Variants in PCDHA11 observed in about 807,000 individuals in gnomAD.
PCDHA11 encodes protocadherin alpha 11.
PCDHA11 carries 61 observed loss-of-function variants against 70.3 expected under a neutral mutation model. That is an observed-to-expected ratio of 0.87 (90% confidence interval 0.71 to 1.07). The LOEUF (loss-of-function observed/expected upper bound fraction) is 1.07. Ranked by LOEUF, PCDHA11 falls within the 50% of genes least tolerant of loss-of-function variation. The pLI, the probability that PCDHA11 is intolerant of heterozygous loss-of-function variation, is 0.00. For missense variants in PCDHA11, 1,324 were observed against 1,237.5 expected, an observed-to-expected ratio of 1.07 and a Z score of -1.05; for synonymous variants, 633 against 555.1, an observed-to-expected ratio of 1.14 and a Z score of -1.97.
intron 1 of PCDHA11, among the ~76,000 whole-genome samples, chr5:140,950,257 G>A (rs1255968081): frequency 6.6e-6 from 1 of 151,952 alleles, no homozygotes; most frequent in Non-Finnish European, 1.5e-5. Context: ...AAAGAGCTGA[G>A]TTTATCCATA....
Position 140,871,415 on chromosome 5 carries a change from T to C in PCDHA11, c.2312T>C (p.Phe771Ser). The C allele has an allele frequency of 6.2e-7, 1 of 1,613,926 alleles. No individual in the cohort carries two copies. Among genetic ancestry groups the C allele is most frequent in the Non-Finnish European group, 8.5e-7 (1 of 1,179,900 alleles). ...EGPPKTDLMAFSPSLPLGLNK... is the reference protein window; with the variant it reads ...EGPPKTDLMASSPSLPLGLNK... ...CCACCTAAGACGGACCTCATGGCCT[T>C]CAGCCCCAGTCTTCCTCTAGGTCTG... Residue 771 changes from phenylalanine (F) to serine (S), a missense_variant, in exon 1 of 4, where the codon TTC becomes TCC. Transcript: ENST00000398640.
chr5:140,929,931 A>G (rs2086483535), intron 1 of PCDHA11: 1 of 152,250 alleles, frequency 6.6e-6, no homozygotes, highest in Non-Finnish European at 1.5e-5. Flanking sequence ...AAAACAGTGT[A>G]TTCTCTAGCC....
chr5:140,876,651 T>TC, intron 1 of PCDHA11: 1 of 1,614,178 alleles, frequency 6.2e-7, no homozygotes, highest in South Asian at 1.1e-5. Context: ...CACCTCATGT[T>TC]CCCTTCAAGC....
chr5:140,968,081 G>A, intron 1 of PCDHA11: 2 of 1,614,120 alleles, frequency 1.2e-6, no homozygotes, highest in Non-Finnish European at 1.7e-6. Context: ...CAACATCACG[G>A]TGACAGCCAC....
At chr5:140,928,304 AC>A (rs782506310) in intron 1 of PCDHA11, 98 of 1,613,908 alleles carry the variant, frequency 6.1e-5, no homozygotes, top group Non-Finnish European at 7.9e-5. Flanking sequence ...TTTGCCCAGG[AC>A]CCCGACCTGG....
chr5:140,942,769 T>A (rs1554215212), intron 1 of PCDHA11, among the ~76,000 whole-genome samples: 1 of 152,202 alleles, frequency 6.6e-6, no homozygotes, highest in Non-Finnish European at 1.5e-5. Flanking sequence ...GCATAATGTA[T>A]TTTTAGGCAG....
chr5:141,002,612 CA>C, intron 3 of PCDHA11, among the ~76,000 whole-genome samples: 1 of 152,178 alleles, frequency 6.6e-6, no homozygotes, highest in Non-Finnish European at 1.5e-5. Flanking sequence ...AAAACAGACA[CA>C]TAACACAGAC....
Position 140,963,857 on chromosome 5 carries a change from G to A in PCDHA11, c.2392-15092G>A, listed in dbSNP as rs181224305. The stretch of plus-strand genomic sequence containing the variant: ...TTCTCATGTAATCATAATAATAACC[G>A]TATGAGTTTTGCTTACTATTGTTTT... On this transcript the variant is annotated intron_variant, in intron 1 of 3. Transcript: ENST00000398640. Among the ~76,000 whole-genome samples the A allele has an allele frequency of 5.3e-5, 8 of 152,252 alleles. 1 individual carries two copies. The East Asian group carries it at 7.7e-4, about 15-fold the overall frequency.
At chr5:140,942,907 C>T (rs990206907) in intron 1 of PCDHA11, among the ~76,000 whole-genome samples, 14 of 151,044 alleles carry the variant, frequency 9.3e-5, no homozygotes, top group Non-Finnish European at 1.6e-4. Flanking sequence ...TAAGAATAAG[C>T]GTGAAGAAAA....
At position 140,870,673 on chromosome 5, in the gene PCDHA11, C is replaced by T. The variant is rs1554164562; in HGVS notation, c.1570C>T (p.His524Tyr). The T allele has an allele frequency of 1.9e-6, 3 of 1,612,666 alleles. No homozygotes were observed. Among genetic ancestry groups the T allele is most frequent in the Non-Finnish European group, 1.7e-6 (2 of 1,179,796 alleles). The change falls in exon 1 of 4, where the codon CAC (histidine) becomes TAC (tyrosine). Residue 524 changes from histidine to tyrosine, a missense_variant. By Grantham distance (83) the His-to-Tyr change is moderately conservative (BLOSUM62 2). Coordinates refer to ENST00000398640, the MANE Select transcript of PCDHA11 (RefSeq NM_018902.5). ...GKVYALQPLD[H>Y]EELELLQFQV... ...GGTGTACGCGCTGCAGCCGTTGGAC[C>T]ACGAGGAGCTGGAGCTGCTACAGTT...
chr5:141,010,696 C>A lies in PCDHA11; in HGVS notation c.*759C>A. ...AAACAGAAGCAGATCTGATGTGTTT[C>A]CTATACATGTCCTGTGCTCACTTTA... On this transcript the variant is annotated 3_prime_UTR_variant, in exon 4 of 4. Transcript: ENST00000398640. The A allele has an allele frequency of 6.3e-6, 1 of 159,082 alleles. No individual in the cohort carries two copies. The highest frequency in any genetic ancestry group is 1.4e-5 in the Non-Finnish European group (1 of 71,522). 9.9% of individuals were successfully genotyped at this position (159,082 alleles called of 1,614,324 possible).
At chr5:140,923,142 T>TA (rs1262526439) in intron 1 of PCDHA11, among the ~76,000 whole-genome samples, 1 of 152,006 alleles carries the variant, frequency 6.6e-6, no homozygotes, top group African/African-American at 2.4e-5. Context: ...AGGTGGAATA[T>TA]AAAAAAAATT....
intron 3 of PCDHA11, among the ~76,000 whole-genome samples, chr5:140,987,622 TAGATG>T (rs1554249376): frequency 2.6e-5 from 4 of 152,328 alleles, no homozygotes; most frequent in African/African-American, 9.6e-5. Flanking sequence ...TTGGAAGAAT[TAGATG>T]AGATAATGCA....
chr5:140,992,845 C>T (rs2097530741), intron 3 of PCDHA11, among the ~76,000 whole-genome samples: 1 of 152,148 alleles, frequency 6.6e-6, no homozygotes, highest in African/African-American at 2.4e-5. Context: ...TTTTGTATAA[C>T]AACCAGTTTC....
At chr5:140,962,224 A>C (rs2095665980) in intron 1 of PCDHA11, among the ~76,000 whole-genome samples, 1 of 152,152 alleles carries the variant, frequency 6.6e-6, no homozygotes. Flanking sequence ...TTGAGGTTCA[A>C]GTTTCACTTA....
intron 1 of PCDHA11, among the ~76,000 whole-genome samples, chr5:140,902,886 A>G (rs192404879): frequency 3.9e-5 from 6 of 152,276 alleles, no homozygotes; most frequent in Non-Finnish European, 7.4e-5. Flanking sequence ...TGCAAAAGCT[A>G]TTATTTTATT....
At chr5:140,971,715 T>C (rs2096493906) in intron 1 of PCDHA11, among the ~76,000 whole-genome samples, 1 of 152,048 alleles carries the variant, frequency 6.6e-6, no homozygotes. Context: ...TATATAGATA[T>C]ATGTATATCA....
intron 1 of PCDHA11, chr5:140,883,991 G>C: frequency 6.2e-7 from 1 of 1,612,972 alleles, no homozygotes; most frequent in South Asian, 1.1e-5. Flanking sequence ...CAGCGCGGGA[G>C]GCACAGTGAG....
chr5:140,875,806 A>G, intron 1 of PCDHA11: 1 of 1,614,204 alleles, frequency 6.2e-7, no homozygotes, highest in African/African-American at 1.3e-5. Context: ...GATCGTGGAC[A>G]GGCCGCTGCA....
Sources: allele counts gnomAD v4.1 joint callset (sites outside exome capture counted in the v4.1 genomes callset), GRCh38; gene constraint gnomAD v4.1.1; transcripts MANE v1.5; gene names NCBI Gene and HGNC (gene_info 2026-07-23, HGNC 2026-07-21).